Variants in PRPF38B observed in about 807,000 individuals in gnomAD.
The protein encoded by PRPF38B is pre-mRNA processing factor 38B.
A neutral mutation model predicts 67.2 loss-of-function variants in PRPF38B; 18 were observed. The observed-to-expected ratio is 0.27, with a 90% CI of 0.19 to 0.40. The LOEUF is 0.40. Among genes scored for constraint, PRPF38B ranks in the 10% least tolerant of loss-of-function variants. The pLI is 1.00. For synonymous variants in PRPF38B, 246 were observed against 234.2 expected, an observed-to-expected ratio of 1.05 and a Z score of -0.46; for missense variants, 544 against 684.9, an observed-to-expected ratio of 0.79 and a Z score of 2.30.
Position 108,700,268 on chromosome 1 carries a change from T to C in PRPF38B, c.*248T>C, listed in dbSNP as rs1004461822. Reference sequence around the variant, plus strand: ...GCATTTTTATTGTTTGTTTTTGAAATGTACAGTCTGTACATATGTCCTGAA... The same window carrying C: ...GCATTTTTATTGTTTGTTTTTGAAACGTACAGTCTGTACATATGTCCTGAA... On this transcript the variant is annotated 3_prime_UTR_variant, in exon 6 of 6. Transcript: ENST00000370025. The C allele has an allele frequency of 2.0e-5, 10 of 510,856 alleles. No individual in the cohort carries two copies. The highest frequency in any genetic ancestry group is 1.9e-4 in the African/African-American group (10 of 51,338). 31.6% of individuals were successfully genotyped at this position (510,856 alleles called of 1,614,324 possible).
rs535601337 is a variant in PRPF38B, at chr1:108,700,324, TGTTG to T, written c.*308_*311del. 873 of 259,892 alleles carry T rather than the reference TGTTG, an allele frequency of 3.4e-3. 5 individuals are homozygous for T. Among genetic ancestry groups the T allele is most frequent in the Non-Finnish European group, 5.2e-3 (752 of 144,060 alleles). The allele number at this position is 259,892 out of a possible 1,614,324, so 16.1% of individuals were successfully genotyped here. A position where few individuals can be genotyped will look rare whatever the true frequency, so the allele number is the denominator to read the frequency against. ...TTTAATTCCTTTGGCATGGTTGCCA[TGTTG>T]GTTAAATTTGTATAAGGCAATAAAC... On this transcript the variant is annotated 3_prime_UTR_variant, in exon 6 of 6. Coordinates refer to ENST00000370025, the MANE Select transcript of PRPF38B (RefSeq NM_018061.4).
At chr1:108,696,645 T>G (rs992873776) in intron 4 of PRPF38B, 1 of 695,840 alleles carries the variant, frequency 1.4e-6, no homozygotes, top group African/African-American at 1.8e-5. Context: ...TAATAGTGAC[T>G]TTTCAAGATG....
Position 108,696,118 on chromosome 1 carries a change from A to G in PRPF38B, c.421A>G (p.Thr141Ala). The G allele has an allele frequency of 6.2e-7, 1 of 1,613,962 alleles. No homozygotes were observed. Among genetic ancestry groups the G allele is most frequent in the Non-Finnish European group, 8.5e-7 (1 of 1,179,872 alleles). ...ATACAAATTATTTACCCTGAAGTTAACTCGAAAGCAAGTGATGGGTCTTAT... is the reference window on the plus strand; with the variant it reads ...ATACAAATTATTTACCCTGAAGTTAGCTCGAAAGCAAGTGATGGGTCTTAT... ...LLYKLFTLKL[T>A]RKQVMGLITH... Residue 141 changes from threonine (T) to alanine (A), a missense_variant, in exon 3 of 6, where the codon ACT becomes GCT. Thr to Ala is a moderately conservative substitution (Grantham distance 58). Around this residue, in one of 5 missense-constraint regions of PRPF38B, gnomAD observed 57 missense variants for 122.7 expected, o/e 0.46. Coordinates refer to ENST00000370025, the MANE Select transcript of PRPF38B (RefSeq NM_018061.4).
intron 4 of PRPF38B, chr1:108,698,387 T>C (rs1660091228): frequency 2.1e-6 from 1 of 470,176 alleles, no homozygotes; most frequent in Non-Finnish European, 3.8e-6. Context: ...ATCAGTTCCC[T>C]TTATGCCTGT....
chr1:108,699,419 G>C lies in PRPF38B; in HGVS notation c.1040G>C (p.Gly347Ala), dbSNP rs963787398. The C allele has an allele frequency of 6.2e-7, 1 of 1,613,986 alleles. No homozygotes were observed. Among genetic ancestry groups the C allele is most frequent in the Non-Finnish European group, 8.5e-7 (1 of 1,180,026 alleles). ...RSRSRSRDRKGDRRDRDRERE... is the reference protein window; with the variant it reads ...RSRSRSRDRKADRRDRDRERE... ...CGCAGTCGAAGTCGTGATAGGAAAG[G>C]GGATAGAAGGGACAGGGATCGAGAA... Residue 347 changes from glycine (G) to alanine (A), a missense_variant, in exon 6 of 6, where the codon GGG becomes GCG. Around this residue, in one of 5 missense-constraint regions of PRPF38B, gnomAD observed 387 missense variants for 386.1 expected, o/e 1.00. Coordinates refer to ENST00000370025, the MANE Select transcript of PRPF38B (RefSeq NM_018061.4).
rs1395092898 is a variant in PRPF38B at position 108,698,949 on chromosome 1, T to C, written c.782+122T>C. On this transcript the variant is annotated intron_variant, in intron 5 of 5. Transcript: ENST00000370025. Reference sequence around the variant, plus strand: ...TGTTCATTTTATTAGTTTGTCACTTTTACCCCCCAAAGATTATTTTCTTCC... The same window carrying C: ...TGTTCATTTTATTAGTTTGTCACTTCTACCCCCCAAAGATTATTTTCTTCC... 10 of 1,301,352 alleles carry C rather than the reference T, an allele frequency of 7.7e-6. No individual in the cohort carries two copies. In the African/African-American group the frequency reaches 1.2e-4, roughly 16 times the overall value. 80.6% of individuals were successfully genotyped at this position (1,301,352 alleles called of 1,614,324 possible). A position where few individuals can be genotyped will look rare whatever the true frequency, so the allele number is the denominator to read the frequency against.
At chr1:108,694,024 C>G (rs1659607513) in intron 1 of PRPF38B, among the ~76,000 whole-genome samples, 1 of 152,132 alleles carries the variant, frequency 6.6e-6, no homozygotes, top group Non-Finnish European at 1.5e-5. Context: ...ACCTTTTCCC[C>G]CAGTTGAGTA....
rs1228700581 is a variant in PRPF38B at position 108,701,389 on chromosome 1, T to C, written c.*1369T>C. 1 of 152,440 alleles carries C rather than the reference T, an allele frequency of 6.6e-6. No homozygotes were observed. The highest frequency in any genetic ancestry group is 2.4e-5 in the African/African-American group (1 of 41,468). 9.4% of individuals were successfully genotyped at this position (152,440 alleles called of 1,614,324 possible). ...TTATTAGAATACTTGATAATGGCAGTTCCCTTTGTCAGTGGTTGTTACATG... is the reference window on the plus strand; with the variant it reads ...TTATTAGAATACTTGATAATGGCAGCTCCCTTTGTCAGTGGTTGTTACATG... On this transcript the variant is annotated 3_prime_UTR_variant, in exon 6 of 6. Coordinates refer to ENST00000370025, the MANE Select transcript of PRPF38B (RefSeq NM_018061.4).
At chr1:108,696,814 TTACA>T (rs774245314) in intron 4 of PRPF38B, 10 of 705,684 alleles carry the variant, frequency 1.4e-5, no homozygotes, top group Admixed American at 4.3e-5. Context: ...GAGTTGGGTG[TTACA>T]TAAATAGGCT....
rs907240892 is a variant in PRPF38B, at chr1:108,692,511, C to G, written c.-81C>G. 11 of 1,445,340 alleles carry G rather than the reference C, an allele frequency of 7.6e-6. No homozygotes were observed. The highest frequency in any genetic ancestry group is 7.0e-5 in the Admixed American group (3 of 42,682). 89.5% of individuals were successfully genotyped at this position (1,445,340 alleles called of 1,614,324 possible). On this transcript the variant is annotated 5_prime_UTR_variant, in exon 1 of 6. Coordinates refer to ENST00000370025, the MANE Select transcript of PRPF38B (RefSeq NM_018061.4). ...CGACGACGTTCGATGGAGTAGGGTCCCAGACCGTTGTCCCGAAGAGCGAGA... is the reference window on the plus strand; with the variant it reads ...CGACGACGTTCGATGGAGTAGGGTCGCAGACCGTTGTCCCGAAGAGCGAGA...
intron 1 of PRPF38B, 135 bp downstream of exon 1, chr1:108,693,002 C>A: frequency 8.6e-7 from 1 of 1,160,572 alleles, no homozygotes; most frequent in Non-Finnish European, 1.2e-6. Context: ...TGGCTGCGGC[C>A]TGTAGTGTGT....
Position 108,698,820 on chromosome 1 carries a change from C to A in PRPF38B, c.775C>A (p.Arg259Ser). ...EEIDRHVERR[R>S]SRSPRRSLSP... ...AATAGACAGACATGTTGAACGCAGA[C>A]GTTCAAGGTAATGTCACTCTTGAAT... is the stretch of plus-strand genomic sequence containing the variant. The change falls in exon 5 of 6, where the codon CGT (arginine) becomes AGT (serine). Residue 259 changes from arginine to serine, a missense_variant. Arg to Ser is a moderately radical substitution (Grantham distance 110, BLOSUM62 -1). This residue lies in a region of PRPF38B where 387 missense variants were observed against 386.1 expected (regional missense o/e 1.00). Coordinates refer to ENST00000370025, the MANE Select transcript of PRPF38B (RefSeq NM_018061.4). The A allele has an allele frequency of 6.2e-7, 1 of 1,608,790 alleles. No individual in the cohort carries two copies. The highest frequency in any genetic ancestry group is 8.5e-7 in the Non-Finnish European group (1 of 1,175,568).
chr1:108,696,493 G>T (rs1659869340), intron 4 of PRPF38B, 156 bp downstream of exon 4: 1 of 665,064 alleles, frequency 1.5e-6, no homozygotes, highest in Non-Finnish European at 2.6e-6. Flanking sequence ...ACTGAGACCT[G>T]ATGGCTTTTA....
rs1386716235 is a variant in PRPF38B, at chr1:108,700,984, A to T, written c.*964A>T. 1 of 152,392 alleles carries T rather than the reference A, an allele frequency of 6.6e-6. No homozygotes were observed. The highest frequency in any genetic ancestry group is 1.9e-4 in the East Asian group (1 of 5,198). The allele number at this position is 152,392 out of a possible 1,614,324, so 9.4% of individuals were successfully genotyped here. ...CAGCTTGATATAGTGTCCTTTTTTTAAAATTCAGAACTTTTTTTATTGATA... is the reference window on the plus strand; with the variant it reads ...CAGCTTGATATAGTGTCCTTTTTTTTAAATTCAGAACTTTTTTTATTGATA... On this transcript the variant is annotated 3_prime_UTR_variant, in exon 6 of 6. Coordinates refer to ENST00000370025, the MANE Select transcript of PRPF38B (RefSeq NM_018061.4).
chr1:108,698,854 T>G, intron 5 of PRPF38B, 27 bp downstream of exon 5: 1 of 1,558,942 alleles, frequency 6.4e-7, no homozygotes, highest in Non-Finnish European at 8.8e-7. Flanking sequence ...ATTATGCTTA[T>G]TTTTCATATA....
intron 1 of PRPF38B, 77 bp from the exon 2 acceptor site, chr1:108,695,625 C>A: frequency 7.0e-7 from 1 of 1,419,374 alleles, no homozygotes; most frequent in Non-Finnish European, 9.8e-7. Flanking sequence ...CTATTATGGA[C>A]TTGGGTTTAC....
intron 4 of PRPF38B, 87 bp from the exon 5 acceptor site, chr1:108,698,517 T>A: frequency 1.0e-6 from 1 of 976,212 alleles, no homozygotes; most frequent in Non-Finnish European, 1.5e-6. Context: ...TGTATTGAGA[T>A]TCCAAAGATG....
chr1:108,693,362 G>A (rs1168354146), intron 1 of PRPF38B, among the ~76,000 whole-genome samples: 3 of 152,054 alleles, frequency 2.0e-5, no homozygotes, highest in Admixed American at 6.5e-5. Flanking sequence ...GGTGGGGTGG[G>A]GGGATGAGGG....
At chr1:108,696,436 T>C in intron 4 of PRPF38B, 99 bp downstream of exon 4, 2 of 1,069,226 alleles carry the variant, frequency 1.9e-6, no homozygotes, top group Non-Finnish European at 2.7e-6. Flanking sequence ...GAACTTCCTG[T>C]AGTTAAATTT....
Sources: allele counts gnomAD v4.1 joint callset (sites outside exome capture counted in the v4.1 genomes callset), GRCh38; gene constraint gnomAD v4.1.1; regional missense constraint gnomAD v4.1.1; transcripts MANE v1.5; gene names NCBI Gene and HGNC (gene_info 2026-07-23, HGNC 2026-07-21).